Variants in SEPTIN9 observed in about 807,000 individuals in gnomAD.
SEPTIN9 encodes septin 9.
In SEPTIN9, 13 loss-of-function variants were observed where a neutral mutation model predicts 56.6. That is an observed-to-expected ratio of 0.23 (90% CI 0.15 to 0.37). The LOEUF is 0.37. SEPTIN9 is among the 10% of genes least tolerant of loss of function. The probability of loss-of-function intolerance (pLI) is 1.00; values close to 1 mark genes in which losing one functional copy is unlikely to be tolerated. For missense variants in SEPTIN9, 650 were observed against 823.1 expected, an observed-to-expected ratio of 0.79 and a Z score of 2.57; for synonymous variants, 332 against 334.1, an observed-to-expected ratio of 0.99 and a Z score of 0.07.
chr17:77,303,568 C>G (rs141785064), intron 1 of SEPTIN9, among the ~76,000 whole-genome samples: 1 of 151,624 alleles, frequency 6.6e-6, no homozygotes, highest in Non-Finnish European at 1.5e-5. Context: ...AAAAATTAGC[C>G]GGAGCGTGAT....
intron 3 of SEPTIN9, among the ~76,000 whole-genome samples, chr17:77,447,871 C>T (rs1436413898): frequency 5.3e-5 from 8 of 152,202 alleles, no homozygotes; most frequent in East Asian, 3.9e-4. Context: ...GCAATGTGCT[C>T]GCCTTGGCCT....
At chr17:77,420,309 A>G (rs956336681) in intron 3 of SEPTIN9, among the ~76,000 whole-genome samples, 1 of 152,202 alleles carries the variant, frequency 6.6e-6, no homozygotes, top group East Asian at 1.9e-4. Flanking sequence ...TGTTCAGTCC[A>G]GCAGGAAGTT....
intron 2 of SEPTIN9, among the ~76,000 whole-genome samples, chr17:77,390,345 TTA>T (rs1491483233): frequency 0.015 from 603 of 39,998 alleles, 4 homozygotes; most frequent in African/African-American, 0.098. Context: ...AGACTCCGTC[TTA>T]AAAAAAAAAA....
chr17:77,355,997 A>AAAAAAAAAAAAT (rs372200511), intron 2 of SEPTIN9, among the ~76,000 whole-genome samples: 1 of 150,296 alleles, frequency 6.7e-6, no homozygotes, highest in East Asian at 2.0e-4. Context: ...AAAAAAAAAA[A>AAAAAAAAAAAAT]TGAAGTGCTC....
Position 77,476,441 on chromosome 17 carries a change from G to A in SEPTIN9, c.722-5703G>A, listed in dbSNP as rs556910651. Among the ~76,000 whole-genome samples, 1 of 152,360 alleles carries A rather than the reference G, an allele frequency of 6.6e-6. No homozygotes were observed. Among genetic ancestry groups the A allele is most frequent in the South Asian group, 2.1e-4 (1 of 4,832 alleles). The stretch of plus-strand genomic sequence containing the variant: ...ATCCTCGGCAGGTCCTGGGGTTGGG[G>A]TAAGAATTTGTCACTAAGTGCAGAT... On this transcript the variant is annotated intron_variant, in intron 3 of 11. Transcript: ENST00000427177. This position sits in a 1 kb window ranked among gnomAD's most constrained non-coding sequence, Gnocchi z 6.0.
intron 3 of SEPTIN9, among the ~76,000 whole-genome samples, chr17:77,444,477 G>T (rs1415999497): frequency 6.6e-6 from 1 of 151,984 alleles, no homozygotes; most frequent in Non-Finnish European, 1.5e-5. Flanking sequence ...GGGGGTCGGG[G>T]AGGGGGGTGT....
Position 77,313,196 on chromosome 17 carries a change from C to T in SEPTIN9, c.76+5999C>T, listed in dbSNP as rs943770434. Among the ~76,000 whole-genome samples, 3 of 152,374 alleles carry T rather than the reference C, an allele frequency of 2.0e-5. No homozygotes were observed. The highest frequency in any genetic ancestry group is 1.9e-4 in the East Asian group (1 of 5,192). ...GGCCTCTGCACCCCCAGACCTCCCT[C>T]GCTCTGCAGGGGCAGTCGGGGGCCC... On this transcript the variant is annotated intron_variant, in intron 2 of 11. Transcript: ENST00000427177. The surrounding 1 kb of genome is among the most constrained non-coding windows in gnomAD (Gnocchi z 4.5).
intron 2 of SEPTIN9, among the ~76,000 whole-genome samples, chr17:77,384,802 G>A (rs2035274477): frequency 6.6e-6 from 1 of 151,286 alleles, no homozygotes; most frequent in Non-Finnish European, 1.5e-5. Context: ...GCGCCACATG[G>A]AGGAAAGCAC....
chr17:77,282,300 C>G (rs1018982227), intron 1 of SEPTIN9, among the ~76,000 whole-genome samples: 3 of 149,652 alleles, frequency 2.0e-5, no homozygotes, highest in Admixed American at 1.3e-4. Context: ...CTTTTCCTTC[C>G]TTTTTTTTTT....
intron 2 of SEPTIN9, among the ~76,000 whole-genome samples, chr17:77,342,038 G>A (rs2033748103): frequency 6.7e-6 from 1 of 149,558 alleles, no homozygotes; most frequent in Non-Finnish European, 1.5e-5. Flanking sequence ...AGCCGAGATC[G>A]CGCCGCTGCA....
At chr17:77,385,432 T>A in intron 2 of SEPTIN9, among the ~76,000 whole-genome samples, 1 of 151,354 alleles carries the variant, frequency 6.6e-6, no homozygotes, top group Non-Finnish European at 1.5e-5. Flanking sequence ...TTGACCAGGC[T>A]GGTCTCAAAC....
chr17:77,319,549 G>A lies in SEPTIN9; in HGVS notation c.76+12352G>A. ...CACTGCAGACTAATGGGACGGAGGG[G>A]GGTGACTTCTCAGGGTTCCTCCTGG... On this transcript the variant is annotated intron_variant, in intron 2 of 11. Coordinates refer to ENST00000427177, the MANE Select transcript of SEPTIN9 (RefSeq NM_001113491.2). This position sits in a 1 kb window ranked among gnomAD's most constrained non-coding sequence, Gnocchi z 5.3. The A allele has an allele frequency of 2.8e-6, 3 of 1,053,214 alleles. No homozygotes were observed. Among genetic ancestry groups the A allele is most frequent in the Non-Finnish European group, 3.4e-6 (3 of 871,686 alleles). The allele number at this position is 1,053,214 out of a possible 1,614,324, so 65.2% of individuals were successfully genotyped here. A position where few individuals can be genotyped will look rare whatever the true frequency, so the allele number is the denominator to read the frequency against.
At chr17:77,424,212 G>GAGA (rs10671712) in intron 3 of SEPTIN9, among the ~76,000 whole-genome samples, 151,936 of 152,366 alleles carry the variant, frequency 1, 75,754 homozygotes, top group East Asian at 1. Context: ...TACTACTGCA[G>GAGA]AGAAGGCACC....
At chr17:77,324,366 C>T (rs935595348) in intron 2 of SEPTIN9, among the ~76,000 whole-genome samples, 1 of 152,218 alleles carries the variant, frequency 6.6e-6, no homozygotes, top group Non-Finnish European at 1.5e-5. Context: ...AGCATGGTTC[C>T]ATGTCCCAGA....
intron 3 of SEPTIN9, among the ~76,000 whole-genome samples, chr17:77,470,169 A>G (rs1424474694): frequency 6.8e-6 from 1 of 146,240 alleles, no homozygotes; most frequent in African/African-American, 2.6e-5. Flanking sequence ...TTATCCATCC[A>G]CTCAACCATC....
rs114869589 is a variant in SEPTIN9, at chr17:77,329,729, C to T, written c.76+22532C>T. On this transcript the variant is annotated intron_variant, in intron 2 of 11. Coordinates refer to ENST00000427177, the MANE Select transcript of SEPTIN9 (RefSeq NM_001113491.2). This position sits in a 1 kb window ranked among gnomAD's most constrained non-coding sequence, Gnocchi z 4.3. The stretch of plus-strand genomic sequence containing the variant: ...GTGCCTGAGGACTGCTGTCCACCGT[C>T]CCACCATCCTTCAGGTTTCTTCCCA... Among the ~76,000 whole-genome samples the T allele has an allele frequency of 2.8e-3, 431 of 152,288 alleles. 3 individuals carry two copies. The highest frequency in any genetic ancestry group is 0.01 in the African/African-American group (418 of 41,540).
At chr17:77,356,664 T>C (rs2034253355) in intron 2 of SEPTIN9, among the ~76,000 whole-genome samples, 2 of 80,792 alleles carry the variant, frequency 2.5e-5, no homozygotes, top group African/African-American at 5.2e-5. Context: ...TCTTCCTGCT[T>C]TCCCTCCCCC....
chr17:77,284,394 C>G (rs2031177996), intron 1 of SEPTIN9, among the ~76,000 whole-genome samples: 2 of 152,228 alleles, frequency 1.3e-5, no homozygotes, highest in South Asian at 4.1e-4. Flanking sequence ...TTCTCTCTGG[C>G]AGCTCCACTG....
At chr17:77,311,486 A>G (rs1303773282) in intron 2 of SEPTIN9, among the ~76,000 whole-genome samples, 1 of 152,116 alleles carries the variant, frequency 6.6e-6, no homozygotes, top group East Asian at 1.9e-4. Flanking sequence ...TAGGTGTGAA[A>G]AAAGGGCCCT....
Sources: allele counts gnomAD v4.1 joint callset (sites outside exome capture counted in the v4.1 genomes callset), GRCh38; gene constraint gnomAD v4.1.1; non-coding constraint Gnocchi (gnomAD v3.1); transcripts MANE v1.5; gene names NCBI Gene and HGNC (gene_info 2026-07-23, HGNC 2026-07-21).